The following COL4A6 variants were observed in gnomAD, a reference collection of about 807,000 sequenced individuals.
The protein encoded by COL4A6 is collagen type IV alpha 6 chain, also known as collagen alpha-6(IV) chain.
In COL4A6, 59 loss-of-function variants were observed where a neutral mutation model predicts 126.7. The ratio of observed to expected loss-of-function variants is 0.47; its 90% CI spans 0.38 to 0.58. The LOEUF (loss-of-function observed/expected upper bound fraction) is 0.58. Among genes scored for constraint, COL4A6 ranks in the 20% least tolerant of loss-of-function variants. The probability of loss-of-function intolerance (pLI) is 0.00; values close to 1 mark genes in which losing one functional copy is unlikely to be tolerated. For synonymous variants in COL4A6, 547 were observed against 496.6 expected (o/e 1.10, Z -1.35); for missense variants, 1,285 against 1,337.3 (o/e 0.96, Z 0.61).
Position 108,210,329 on chromosome X carries a change from C to G in COL4A6, c.511-325G>C, listed in dbSNP as rs945740045. On this transcript the variant is annotated intron_variant, in intron 7 of 44. Transcript: ENST00000334504. Reference sequence around the variant, plus strand: ...ACTACTTCTGTGGGCTAGTGATTTTCCTACTCCTTTTGGAGGAAAGCAAAG... The same window carrying G: ...ACTACTTCTGTGGGCTAGTGATTTTGCTACTCCTTTTGGAGGAAAGCAAAG... 7.1e-5 allele frequency among the ~76,000 whole-genome samples: 8 copies of G among 112,186 alleles called. 1 individual carries two copies. In the Admixed American group the frequency reaches 7.5e-4, roughly 11 times the overall value.
At chrX:108,168,045 T>C (rs2034186788) in intron 37 of COL4A6, among the ~76,000 whole-genome samples, 2 of 112,377 alleles carry the variant, frequency 1.8e-5, no homozygotes, top group African/African-American at 6.5e-5. Flanking sequence ...ATTGATGGAA[T>C]CATACCAAAT....
intron 2 of COL4A6, among the ~76,000 whole-genome samples, chrX:108,356,417 G>A (rs1404314523): frequency 1.8e-5 from 2 of 111,348 alleles, no homozygotes; most frequent in Non-Finnish European, 3.8e-5. Flanking sequence ...AGGAATCTAT[G>A]TTTAAGAGTT....
intron 3 of COL4A6, among the ~76,000 whole-genome samples, chrX:108,294,415 GTGT>G (rs2038261621): frequency 1.1e-5 from 1 of 90,587 alleles, no homozygotes; most frequent in Non-Finnish European, 2.0e-5. Context: ...TTTTTTTTTG[GTGT>G]GTGTGTGTGT....
intron 3 of COL4A6, 60 bp from the exon 4 acceptor site, chrX:108,221,434 T>C: frequency 8.8e-7 from 1 of 1,135,404 alleles, no homozygotes; most frequent in Admixed American, 2.4e-5. Context: ...ATACTTCTCA[T>C]TTTCCCACGC....
intron 2 of COL4A6, among the ~76,000 whole-genome samples, chrX:108,390,906 C>T (rs1037398401): frequency 9.0e-6 from 1 of 111,058 alleles, no homozygotes; most frequent in Non-Finnish European, 1.9e-5. Context: ...TCTGAGTGGA[C>T]GTCCTTTTTG....
At chrX:108,205,375 G>A (rs2035517587) in intron 11 of COL4A6, 64 bp downstream of exon 11, 1 of 911,537 alleles carries the variant, frequency 1.1e-6, no homozygotes, top group Non-Finnish European at 1.6e-6. Flanking sequence ...AGGCACATGT[G>A]TGTAATCAGA....
chrX:108,335,521 T>C, intron 2 of COL4A6, among the ~76,000 whole-genome samples: 1 of 111,874 alleles, frequency 8.9e-6, no homozygotes, highest in East Asian at 2.8e-4. Context: ...ACACAGGCTT[T>C]TGAGATTTTA....
intron 2 of COL4A6, among the ~76,000 whole-genome samples, chrX:108,437,003 T>G (rs764435453): frequency 8.9e-6 from 1 of 111,843 alleles, no homozygotes; most frequent in Non-Finnish European, 1.9e-5. Context: ...ATCTCTCATC[T>G]ATATAGGGAA....
chrX:108,402,568 T>C (rs2041111674), intron 2 of COL4A6, among the ~76,000 whole-genome samples: 1 of 111,198 alleles, frequency 9.0e-6, no homozygotes, highest in South Asian at 3.7e-4. Flanking sequence ...AAGTTGAATA[T>C]CTATATCATT....
chrX:108,343,165 A>ATATATAGTGTGTGTGT (rs1377817612), intron 2 of COL4A6, among the ~76,000 whole-genome samples: 33 of 31,392 alleles, frequency 1.1e-3, no homozygotes, highest in East Asian at 2.6e-3. Flanking sequence ...ATATATATAT[A>ATATATAGTGTGTGTGT]GTGTGTGTGT....
intron 2 of COL4A6, among the ~76,000 whole-genome samples, chrX:108,320,266 C>T (rs1431860626): frequency 1.8e-5 from 2 of 111,445 alleles, no homozygotes; most frequent in Non-Finnish European, 3.8e-5. Flanking sequence ...TCTAAGGGCC[C>T]ACTTGAATTT....
intron 2 of COL4A6, among the ~76,000 whole-genome samples, chrX:108,385,710 T>C (rs1418230067): frequency 8.9e-6 from 1 of 111,737 alleles, no homozygotes; most frequent in Non-Finnish European, 1.9e-5. Flanking sequence ...CAATTGATTT[T>C]ATTTTTGTTT....
chrX:108,290,909 A>G (rs2038143344), intron 3 of COL4A6, among the ~76,000 whole-genome samples: 2 of 112,505 alleles, frequency 1.8e-5, no homozygotes, highest in African/African-American at 6.5e-5. Context: ...TGAAAAAGAA[A>G]GAGGTTGAAT....
intron 2 of COL4A6, among the ~76,000 whole-genome samples, chrX:108,332,467 A>G (rs2039325549): frequency 8.9e-6 from 1 of 111,813 alleles, no homozygotes; most frequent in Admixed American, 9.5e-5. Flanking sequence ...TTACATTCCC[A>G]CCAACAGAAT....
intron 15 of COL4A6, 56 bp downstream of exon 15, chrX:108,195,026 G>T: frequency 1.0e-6 from 1 of 966,565 alleles, no homozygotes; most frequent in South Asian, 2.2e-5. Flanking sequence ...TAAAGCAAGG[G>T]GGACTTTTGA....
At chrX:108,258,978 T>C (rs2037082996) in intron 3 of COL4A6, among the ~76,000 whole-genome samples, 2 of 111,433 alleles carry the variant, frequency 1.8e-5, no homozygotes, top group Admixed American at 9.5e-5. Context: ...GACAGTGATA[T>C]CAATGTTAGT....
rs2036643969 is a variant in COL4A6, at chrX:108,243,898, A to G, written c.145-22524T>C. ...CTACACAAACAACTTAGTCATATTC[A>G]TCAAGGACATCAGTGGCTTCCCCAA... is the stretch of plus-strand genomic sequence containing the variant. On this transcript the variant is annotated intron_variant, in intron 3 of 44. Transcript: ENST00000334504. Among the ~76,000 whole-genome samples the G allele has an allele frequency of 3.6e-5, 4 of 112,091 alleles. No individual in the cohort carries two copies. In the South Asian group the frequency reaches 1.5e-3, roughly 42 times the overall value.
chrX:108,156,337 G>A lies in COL4A6; in HGVS notation c.*663C>T, dbSNP rs1057225607. On this transcript the variant is annotated 3_prime_UTR_variant, in exon 45 of 45. Transcript: ENST00000334504. ...GGCAAGGAGGAGATGGTTTGTCTAGGACCATATGCCATTAATGACCACCAC... is the reference window on the plus strand; with the variant it reads ...GGCAAGGAGGAGATGGTTTGTCTAGAACCATATGCCATTAATGACCACCAC... 3 of 111,924 alleles carry A rather than the reference G, an allele frequency of 2.7e-5. No individual in the cohort carries two copies. The highest frequency in any genetic ancestry group is 9.8e-5 in the African/African-American group (3 of 30,682). The allele number at this position is 111,924 out of a possible 1,213,427, so 9.2% of individuals were successfully genotyped here.
chrX:108,169,297 T>C (rs2034223631), intron 37 of COL4A6, among the ~76,000 whole-genome samples, 198 bp downstream of exon 37: 1 of 112,143 alleles, frequency 8.9e-6, no homozygotes, highest in Non-Finnish European at 1.9e-5. Flanking sequence ...AACTGTGCCC[T>C]GACAGTCTTC....
Sources: allele counts gnomAD v4.1 joint callset (sites outside exome capture counted in the v4.1 genomes callset), GRCh38; gene constraint gnomAD v4.1.1; transcripts MANE v1.5; gene names NCBI Gene and HGNC (gene_info 2026-07-23, HGNC 2026-07-21).